The following SLC4A5 variants were observed in gnomAD, a reference collection of about 807,000 sequenced individuals.
SLC4A5 encodes electrogenic sodium bicarbonate cotransporter 4.
Under a neutral mutation model 120.4 loss-of-function variants are expected in SLC4A5, and 96 were observed. The ratio of observed to expected loss-of-function variants is 0.80; its 90% CI spans 0.68 to 0.94. SLC4A5 has a LOEUF of 0.94. Among genes scored for constraint, SLC4A5 ranks in the 40% least tolerant of loss-of-function variants. SLC4A5 has a pLI of 0.00. For synonymous variants in SLC4A5, 550 were observed against 571.1 expected (o/e 0.96, Z 0.53); for missense variants, 1,259 against 1,459.5 (o/e 0.86, Z 2.24).
intron 7 of SLC4A5, among the ~76,000 whole-genome samples, chr2:74,289,915 T>G (rs555614652): frequency 6.6e-6 from 1 of 152,306 alleles, no homozygotes; most frequent in African/African-American, 2.4e-5. Context: ...ATTATGTTAT[T>G]CACCAGTTGA....
chr2:74,220,788 C>T (rs757265015), intron 30 of SLC4A5, among the ~76,000 whole-genome samples: 51 of 145,430 alleles, frequency 3.5e-4, no homozygotes, highest in Non-Finnish European at 5.1e-4. Context: ...AGTGCTGGGA[C>T]TACAGGCGTG....
At chr2:74,228,201 C>G (rs536018541) in intron 25 of SLC4A5, among the ~76,000 whole-genome samples, 53 of 152,360 alleles carry the variant, frequency 3.5e-4, no homozygotes, top group African/African-American at 1.2e-3. Context: ...CTGCCCCCTC[C>G]TCATTCCTGC....
chr2:74,232,752 G>T, intron 23 of SLC4A5, 105 bp from the exon 24 acceptor site: 1 of 1,390,860 alleles, frequency 7.2e-7, no homozygotes, highest in Non-Finnish European at 9.8e-7. Flanking sequence ...CCTTCCAGAA[G>T]ATACTGAAGG....
chr2:74,286,354 T>C (rs552204650), intron 7 of SLC4A5, among the ~76,000 whole-genome samples: 3 of 152,274 alleles, frequency 2.0e-5, no homozygotes, highest in South Asian at 4.2e-4. Context: ...CCTTGTACCA[T>C]GTGGGCCCAC....
intron 11 of SLC4A5, among the ~76,000 whole-genome samples, chr2:74,261,559 G>A (rs957197339): frequency 8.5e-5 from 13 of 152,088 alleles, no homozygotes; most frequent in African/African-American, 2.9e-4. Context: ...TTCTAAGTTC[G>A]CTCCTTTCTT....
chr2:74,250,572 C>G (rs1670759415), intron 16 of SLC4A5, 55 bp from the exon 17 acceptor site: 1 of 1,597,188 alleles, frequency 6.3e-7, no homozygotes. Flanking sequence ...AGTGCAGGGG[C>G]AGGGCTATTT....
At chr2:74,331,242 A>C (rs925187598) in intron 4 of SLC4A5, among the ~76,000 whole-genome samples, 1 of 150,834 alleles carries the variant, frequency 6.6e-6, no homozygotes, top group Non-Finnish European at 1.5e-5. Flanking sequence ...GGTGAGGTCT[A>C]GATGGTGGTG....
At position 74,328,469 on chromosome 2, in the gene SLC4A5, A is replaced by G. The variant is rs975327486; in HGVS notation, c.-69-283T>C. 2.6e-4 allele frequency among the ~76,000 whole-genome samples: 39 copies of G among 152,332 alleles called. 2 individuals are homozygous for G. The highest frequency in any genetic ancestry group is 9.1e-4 in the African/African-American group (38 of 41,574). On this transcript the variant is annotated intron_variant, in intron 4 of 30. Coordinates refer to ENST00000394019, the Ensembl canonical transcript of SLC4A5. ...ATGGCAGTGGTATATTCCAGCCTTG[A>G]TTCTGAAATGCTATTTTATCTCCCT...
intron 8 of SLC4A5, among the ~76,000 whole-genome samples, chr2:74,283,838 C>CTTT (rs1215361312): frequency 7.2e-6 from 1 of 139,242 alleles, no homozygotes; most frequent in Non-Finnish European, 1.6e-5. Context: ...AATCTTATTC[C>CTTT]TTTTTTTTTT....
chr2:74,221,636 A>G, intron 29 of SLC4A5, 135 bp from the exon 30 acceptor site: 2 of 859,940 alleles, frequency 2.3e-6, no homozygotes, highest in Non-Finnish European at 3.7e-6. Flanking sequence ...ACGGGGCCTC[A>G]GAGATGTGTG....
chr2:74,254,726 G>C lies in SLC4A5; in HGVS notation c.1026-20C>G. ...AGAAATCTGCAAAGAAGATGGAGGA[G>C]GAGACAGAGAAGATTAAGGAAGAGG... On this transcript the variant is annotated intron_variant, in intron 13 of 30. Coordinates refer to ENST00000394019, the Ensembl canonical transcript of SLC4A5. 1 of 1,556,328 alleles carries C rather than the reference G, an allele frequency of 6.4e-7. No homozygotes were observed. Among genetic ancestry groups the C allele is most frequent in the Non-Finnish European group, 8.9e-7 (1 of 1,127,908 alleles).
intron 8 of SLC4A5, among the ~76,000 whole-genome samples, chr2:74,276,747 T>C (rs1049883955): frequency 1.3e-5 from 2 of 148,974 alleles, no homozygotes; most frequent in African/African-American, 5.0e-5. Flanking sequence ...CTCTAGGATA[T>C]AGCGAGTCCT....
At chr2:74,323,900 A>T (rs1673153266) in intron 5 of SLC4A5, among the ~76,000 whole-genome samples, 1 of 152,222 alleles carries the variant, frequency 6.6e-6, no homozygotes, top group Non-Finnish European at 1.5e-5. Flanking sequence ...TACTATCATT[A>T]TTATTAAAAG....
intron 7 of SLC4A5, among the ~76,000 whole-genome samples, chr2:74,292,958 C>T (rs944946894): frequency 6.6e-6 from 1 of 151,908 alleles, no homozygotes; most frequent in African/African-American, 2.4e-5. Flanking sequence ...GTACTCAATG[C>T]ATATTTGCTG....
intron 8 of SLC4A5, among the ~76,000 whole-genome samples, chr2:74,270,798 G>C (rs1671451758): frequency 6.6e-6 from 1 of 152,208 alleles, no homozygotes; most frequent in African/African-American, 2.4e-5. Context: ...CTGCTCTGTA[G>C]GTACATAGAA....
intron 18 of SLC4A5, among the ~76,000 whole-genome samples, chr2:74,247,934 G>C (rs1670667225): frequency 6.6e-6 from 1 of 152,184 alleles, no homozygotes; most frequent in Non-Finnish European, 1.5e-5. Flanking sequence ...TGGAAGAACA[G>C]GGTTGGAGCA....
chr2:74,326,626 A>G (rs970011244), intron 5 of SLC4A5, among the ~76,000 whole-genome samples: 1 of 152,024 alleles, frequency 6.6e-6, no homozygotes, highest in Non-Finnish European at 1.5e-5. Flanking sequence ...CGATTCCAGC[A>G]TGGCCAACAT....
chr2:74,240,138 C>T (rs1321703841), intron 20 of SLC4A5, among the ~76,000 whole-genome samples: 1 of 151,692 alleles, frequency 6.6e-6, no homozygotes, highest in Non-Finnish European at 1.5e-5. Flanking sequence ...TCTTAGCTGG[C>T]CTAGCCCACC....
intron 8 of SLC4A5, among the ~76,000 whole-genome samples, chr2:74,284,090 T>A (rs935324705): frequency 2.0e-5 from 3 of 151,966 alleles, no homozygotes; most frequent in Admixed American, 2.0e-4. Flanking sequence ...TCAAGCAATC[T>A]GCCTGTCTTG....
Sources: gnomAD v4.1 joint callset for allele counts (sites outside exome capture counted in the v4.1 genomes callset) on GRCh38, gnomAD v4.1.1 for gene constraint, MANE v1.5 for transcripts, NCBI Gene and HGNC (gene_info 2026-07-23, HGNC 2026-07-21) for gene names.